The following TMEM182 variants were observed in gnomAD, a reference collection of about 807,000 sequenced individuals.
TMEM182 encodes transmembrane protein 182.
Under a neutral mutation model 26.8 loss-of-function variants are expected in TMEM182, and 20 were observed. The ratio of observed to expected loss-of-function variants is 0.75; its 90% CI spans 0.53 to 1.09. TMEM182 has a LOEUF of 1.09. Ranked by LOEUF, TMEM182 falls within the 50% of genes least tolerant of loss-of-function variation. The pLI, the probability that TMEM182 is intolerant of heterozygous loss-of-function variation, is 0.00. For synonymous variants in TMEM182, 109 were observed against 102.2 expected, an observed-to-expected ratio of 1.07 and a Z score of -0.40; for missense variants, 277 against 275.5, an observed-to-expected ratio of 1.01 and a Z score of -0.04.
intron 3 of TMEM182, among the ~76,000 whole-genome samples, chr2:102,789,739 G>A (rs907759317): frequency 6.6e-6 from 1 of 152,166 alleles, no homozygotes; most frequent in African/African-American, 2.4e-5. Flanking sequence ...CTGATTAATG[G>A]TCTTGAGTAC....
In TMEM182 at chr2:102,815,532, A is replaced by G. The variant is rs1487649170; in HGVS notation, c.*564A>G. 1.0e-6 allele frequency: 1 copy of G among 985,662 alleles called. No individual in the cohort carries two copies. Among genetic ancestry groups the G allele is most frequent in the Non-Finnish European group, 1.2e-6 (1 of 830,220 alleles). 61.1% of individuals were successfully genotyped at this position (985,662 alleles called of 1,614,324 possible). A position where few individuals can be genotyped will look rare whatever the true frequency, so the allele number is the denominator to read the frequency against. ...CCAGTTAAAATGGGCCACAACAAAC[A>G]AGACTGAGAGCATGTACTTATCTTG... is the stretch of plus-strand genomic sequence containing the variant. On this transcript the variant is annotated 3_prime_UTR_variant, in exon 5 of 5. Transcript: ENST00000412401.
intron 3 of TMEM182, among the ~76,000 whole-genome samples, chr2:102,788,655 G>A (rs937588309): frequency 2.6e-5 from 4 of 151,930 alleles, no homozygotes; most frequent in African/African-American, 7.3e-5. Context: ...AATGAACATG[G>A]GCATGTTCTC....
chr2:102,785,788 A>C (rs1267193192), intron 3 of TMEM182, among the ~76,000 whole-genome samples: 1 of 152,184 alleles, frequency 6.6e-6, no homozygotes, highest in African/African-American at 2.4e-5. Context: ...CCCTGGGGAA[A>C]TGTGATTTCT....
chr2:102,755,553 T>C (rs1680007870), intron 1 of TMEM182, among the ~76,000 whole-genome samples: 1 of 152,144 alleles, frequency 6.6e-6, no homozygotes, highest in Non-Finnish European at 1.5e-5. Flanking sequence ...CACAGCATGG[T>C]ATGTCTTGGA....
intron 3 of TMEM182, among the ~76,000 whole-genome samples, chr2:102,833,326 A>G (rs1683183849): frequency 6.6e-6 from 1 of 152,148 alleles, no homozygotes; most frequent in Non-Finnish European, 1.5e-5. Context: ...GACAACTTAG[A>G]TATCATCCCC....
chr2:102,751,796 A>C (rs1256978371), intron 1 of TMEM182, among the ~76,000 whole-genome samples: 2 of 152,046 alleles, frequency 1.3e-5, no homozygotes, highest in African/African-American at 4.8e-5. Context: ...CATCCCAACT[A>C]TCTAGGGCTA....
At chr2:102,770,204 C>T (rs115099497) in intron 3 of TMEM182, among the ~76,000 whole-genome samples, 1 of 152,138 alleles carries the variant, frequency 6.6e-6, no homozygotes, top group Non-Finnish European at 1.5e-5. Context: ...GGTGCATTTT[C>T]TTGGGAAGGA....
At chr2:102,805,653 G>A (rs1166949953) in intron 4 of TMEM182, among the ~76,000 whole-genome samples, 1 of 151,990 alleles carries the variant, frequency 6.6e-6, no homozygotes, top group African/African-American at 2.4e-5. Flanking sequence ...AAAATGACAG[G>A]CCTGGCAAAC....
chr2:102,791,484 G>T (rs1015886572), intron 3 of TMEM182, among the ~76,000 whole-genome samples: 1 of 152,150 alleles, frequency 6.6e-6, no homozygotes, highest in Admixed American at 6.5e-5. Context: ...GAATTCTCCA[G>T]AACTATTTAT....
downstream of TMEM182, among the ~76,000 whole-genome samples, chr2:102,821,754 T>C (rs553198185): frequency 7.2e-5 from 11 of 152,206 alleles, no homozygotes; most frequent in East Asian, 1.4e-3. Context: ...AAATGGAGGC[T>C]GAGGCGGGCA....
intron 4 of TMEM182, among the ~76,000 whole-genome samples, chr2:102,814,016 T>C (rs1573565748): frequency 6.6e-6 from 1 of 152,074 alleles, no homozygotes; most frequent in East Asian, 1.9e-4. Flanking sequence ...ACAAAATCTT[T>C]TATCATCAAT....
At chr2:102,833,451 T>C (rs1683186095) in intron 3 of TMEM182, among the ~76,000 whole-genome samples, 1 of 152,104 alleles carries the variant, frequency 6.6e-6, no homozygotes, top group Non-Finnish European at 1.5e-5. Context: ...TTGAAAAAAT[T>C]TAGACGTATA....
At chr2:102,801,035 T>A (rs1182568375) in intron 4 of TMEM182, among the ~76,000 whole-genome samples, 1 of 152,180 alleles carries the variant, frequency 6.6e-6, no homozygotes, top group African/African-American at 2.4e-5. Flanking sequence ...ATTGACACAA[T>A]AATTATACAT....
chr2:102,767,927 G>A (rs762331615), intron 3 of TMEM182, among the ~76,000 whole-genome samples: 5 of 151,960 alleles, frequency 3.3e-5, no homozygotes, highest in African/African-American at 4.8e-5. Flanking sequence ...CTGTCCCCTT[G>A]CCCCAGGACC....
intron 3 of TMEM182, among the ~76,000 whole-genome samples, chr2:102,784,262 T>C (rs1486840849): frequency 1.3e-5 from 2 of 152,212 alleles, no homozygotes; most frequent in South Asian, 4.1e-4. Flanking sequence ...GAGTTTTCCA[T>C]GCCTTTGTCT....
chr2:102,812,351 C>G (rs552757507), intron 4 of TMEM182, among the ~76,000 whole-genome samples: 89 of 149,648 alleles, frequency 5.9e-4, no homozygotes, highest in Non-Finnish European at 1.0e-3. Context: ...TTCTCATTGT[C>G]TGTCTCTCTC....
chr2:102,783,880 C>T lies in TMEM182; in HGVS notation c.332-13983C>T, dbSNP rs962446658. On this transcript the variant is annotated intron_variant, in intron 3 of 4. Coordinates refer to ENST00000412401, the MANE Select transcript of TMEM182 (RefSeq NM_144632.5). ...TCAGCCTGTGAATAAATAAACTGCA[C>T]ACATTTGTTCCAGGATAATGAGGTA... 4.6e-5 allele frequency among the ~76,000 whole-genome samples: 7 copies of T among 152,312 alleles called. 1 individual carries two copies. Among genetic ancestry groups the T allele is most frequent in the Admixed American group, 2.0e-4 (3 of 15,290 alleles).
At chr2:102,794,137 A>T (rs866005589) in intron 3 of TMEM182, among the ~76,000 whole-genome samples, 2 of 152,180 alleles carry the variant, frequency 1.3e-5, no homozygotes, top group Admixed American at 6.5e-5. Flanking sequence ...CTTCACATAC[A>T]TTGTAAGTCA....
chr2:102,784,306 G>A (rs1364704266), intron 3 of TMEM182, among the ~76,000 whole-genome samples: 1 of 151,886 alleles, frequency 6.6e-6, no homozygotes, highest in Non-Finnish European at 1.5e-5. Flanking sequence ...AAAAGCATCA[G>A]GAAAATATAA....
Sources: gnomAD v4.1 joint callset for allele counts (sites outside exome capture counted in the v4.1 genomes callset) on GRCh38, gnomAD v4.1.1 for gene constraint, MANE v1.5 for transcripts, NCBI Gene and HGNC (gene_info 2026-07-23, HGNC 2026-07-21) for gene names.